The following NRG1 variants were observed in gnomAD, a reference collection of about 807,000 sequenced individuals.
The protein encoded by NRG1 is neuregulin 1.
NRG1 carries 18 observed loss-of-function variants against 63.8 expected under a neutral mutation model. The ratio of observed to expected loss-of-function variants is 0.28; its 90% CI spans 0.19 to 0.42. NRG1 has a LOEUF of 0.42. NRG1 is among the 10% of genes least tolerant of loss of function. The probability of loss-of-function intolerance (pLI) is 1.00; values close to 1 mark genes in which losing one functional copy is unlikely to be tolerated. For synonymous variants in NRG1, 302 were observed against 301.3 expected, an observed-to-expected ratio of 1.00 and a Z score of -0.02; for missense variants, 762 against 814.7, an observed-to-expected ratio of 0.94 and a Z score of 0.79.
intron 1 of NRG1, among the ~76,000 whole-genome samples, chr8:32,136,410 G>A (rs1411599661): frequency 6.6e-6 from 1 of 152,110 alleles, no homozygotes; most frequent in African/African-American, 2.4e-5. Flanking sequence ...CTGACCCAAA[G>A]TCTCATGTCC....
intron 1 of NRG1, among the ~76,000 whole-genome samples, chr8:32,015,287 A>G (rs1815341377): frequency 1.3e-5 from 2 of 152,226 alleles, no homozygotes; most frequent in African/African-American, 4.8e-5. Context: ...GTATACGAAT[A>G]TAAACAGAAA....
At chr8:32,190,075 T>C (rs1424687041) in intron 1 of NRG1, among the ~76,000 whole-genome samples, 1 of 152,152 alleles carries the variant, frequency 6.6e-6, no homozygotes, top group Non-Finnish European at 1.5e-5. Flanking sequence ...TAAACATTTG[T>C]CAACATTGTT....
intron 1 of NRG1, among the ~76,000 whole-genome samples, chr8:32,429,808 T>A (rs1817902810): frequency 6.6e-6 from 1 of 152,196 alleles, no homozygotes; most frequent in African/African-American, 2.4e-5. Flanking sequence ...AGGTCCACAA[T>A]TCTTTGTCAT....
chr8:32,612,628 C>T (rs1846553682), intron 3 of NRG1, among the ~76,000 whole-genome samples: 1 of 151,958 alleles, frequency 6.6e-6, no homozygotes, highest in African/African-American at 2.4e-5. Context: ...TATGGTTAAC[C>T]TTCCCTCTAA....
chr8:31,953,322 A>G (rs1803794030), intron 1 of NRG1, among the ~76,000 whole-genome samples: 1 of 152,244 alleles, frequency 6.6e-6, no homozygotes, highest in African/African-American at 2.4e-5. Context: ...TAAAAATGTT[A>G]CCATCTGAGT....
At chr8:32,608,288 C>T (rs186094934) in intron 3 of NRG1, among the ~76,000 whole-genome samples, 1 of 151,518 alleles carries the variant, frequency 6.6e-6, no homozygotes, top group African/African-American at 2.4e-5. Context: ...AAGGGATCCT[C>T]CCACCTCAGC....
At chr8:32,353,770 C>T (rs1224596004) in intron 1 of NRG1, among the ~76,000 whole-genome samples, 1 of 152,160 alleles carries the variant, frequency 6.6e-6, no homozygotes, top group Non-Finnish European at 1.5e-5. Context: ...AGCTTCTTAA[C>T]AATTTAAATG....
chr8:31,693,477 G>A (rs1460955933), intron 1 of NRG1, among the ~76,000 whole-genome samples: 1 of 148,926 alleles, frequency 6.7e-6, no homozygotes, highest in African/African-American at 2.5e-5. Context: ...TCGTTTTACA[G>A]TTATTTCTCT....
chr8:32,499,151 G>T (rs748122676), intron 1 of NRG1, among the ~76,000 whole-genome samples: 8 of 152,112 alleles, frequency 5.3e-5, no homozygotes, highest in Non-Finnish European at 8.8e-5. Context: ...ACTAAACCAG[G>T]CTCCTAGTAC....
chr8:32,206,231 C>T (rs1167138049), intron 1 of NRG1, among the ~76,000 whole-genome samples: 1 of 152,200 alleles, frequency 6.6e-6, no homozygotes, highest in Non-Finnish European at 1.5e-5. Context: ...GATCGTCCAT[C>T]TAACTCCCAC....
At chr8:31,906,112 C>T (rs1832499085) in intron 1 of NRG1, among the ~76,000 whole-genome samples, 1 of 152,162 alleles carries the variant, frequency 6.6e-6, no homozygotes, top group Non-Finnish European at 1.5e-5. Flanking sequence ...GGAATGACCC[C>T]AACTCAAGGT....
rs528822837 is a variant in NRG1, at chr8:31,713,217, C to T, written c.37+73786C>T. Among the ~76,000 whole-genome samples the T allele has an allele frequency of 2.0e-5, 3 of 149,676 alleles. No individual in the cohort carries two copies. In the East Asian group the frequency reaches 6.2e-4, roughly 31 times the overall value. The stretch of plus-strand genomic sequence containing the variant: ...CTGCAGGCTCCACCTCCCGGGTTCA[C>T]GCCATTCTCCTGCCTCAGCCTCCCG... On this transcript the variant is annotated intron_variant, in intron 1 of 10. Coordinates refer to the NRG1 transcript ENST00000519301.
chr8:32,524,414 C>A (rs949707708), intron 1 of NRG1, among the ~76,000 whole-genome samples: 11 of 152,196 alleles, frequency 7.2e-5, no homozygotes, highest in African/African-American at 2.4e-4. Flanking sequence ...ACCTTCCTGA[C>A]TACCCATCTT....
intron 1 of NRG1, among the ~76,000 whole-genome samples, chr8:31,802,355 G>A (rs1314797045): frequency 6.6e-6 from 1 of 152,066 alleles, no homozygotes; most frequent in Non-Finnish European, 1.5e-5. Context: ...CCTCACAGTG[G>A]AGAGAATTTG....
At chr8:32,243,956 C>A (rs1848374131) in intron 1 of NRG1, among the ~76,000 whole-genome samples, 1 of 152,166 alleles carries the variant, frequency 6.6e-6, no homozygotes. Context: ...GGTTTTGGAA[C>A]TGCAGGAAAT....
intron 1 of NRG1, among the ~76,000 whole-genome samples, chr8:32,318,697 G>A (rs888077234): frequency 2.0e-5 from 3 of 152,222 alleles, no homozygotes; most frequent in Admixed American, 1.3e-4. Context: ...GTACCAAAAC[G>A]TCCTTTGAAA....
intron 1 of NRG1, among the ~76,000 whole-genome samples, chr8:31,726,152 A>G (rs528684129): frequency 1.1e-4 from 16 of 152,298 alleles, no homozygotes; most frequent in African/African-American, 3.8e-4. Flanking sequence ...AAAAAGGGGA[A>G]AAAAGAAAAG....
intron 1 of NRG1, among the ~76,000 whole-genome samples, chr8:32,152,506 A>T (rs1469983818): frequency 3.3e-5 from 5 of 152,250 alleles, no homozygotes; most frequent in Non-Finnish European, 5.9e-5. Flanking sequence ...TCAGGAGACG[A>T]TCAATGATTA....
intron 1 of NRG1, among the ~76,000 whole-genome samples, chr8:32,268,863 G>A (rs1482625012): frequency 1.3e-5 from 2 of 152,150 alleles, no homozygotes; most frequent in East Asian, 3.9e-4. Context: ...ACGAAGGACG[G>A]GTAAATCAGA....
Sources: allele counts gnomAD v4.1 joint callset (sites outside exome capture counted in the v4.1 genomes callset), GRCh38; gene constraint gnomAD v4.1.1; transcripts MANE v1.5; gene names NCBI Gene and HGNC (gene_info 2026-07-23, HGNC 2026-07-21).